The following GALNT18 variants were observed in gnomAD, a reference collection of about 807,000 sequenced individuals.
GALNT18 encodes polypeptide N-acetylgalactosaminyltransferase 18.
Under a neutral mutation model 69.5 loss-of-function variants are expected in GALNT18, and 44 were observed. The ratio of observed to expected loss-of-function variants is 0.63; its 90% confidence interval spans 0.50 to 0.81. GALNT18 has a LOEUF of 0.81. Among genes scored for constraint, GALNT18 ranks in the 40% least tolerant of loss-of-function variants. GALNT18 has a pLI of 0.00. For synonymous variants in GALNT18, 364 were observed against 318.2 expected (o/e 1.14, Z -1.53); for missense variants, 715 against 810.0 (o/e 0.88, Z 1.42).
chr11:11,540,314 T>C lies in GALNT18; in HGVS notation c.235+81045A>G, dbSNP rs763276866. Among the ~76,000 whole-genome samples the C allele has an allele frequency of 6.6e-6, 1 of 152,188 alleles. No homozygotes were observed. The highest frequency in any genetic ancestry group is 1.5e-5 in the Non-Finnish European group (1 of 68,034). On this transcript the variant is annotated intron_variant, in intron 1 of 10. Transcript: ENST00000227756. The surrounding 1 kb of genome is among the most constrained non-coding windows in gnomAD (Gnocchi z 4.6). ...GGTGCAGGATAAATGTTTTTCTTCG[T>C]CGTTGCCATGGAAACTTGTGACTCC...
chr11:11,495,876 G>T (rs559163257), intron 1 of GALNT18, among the ~76,000 whole-genome samples: 157 of 152,248 alleles, frequency 1.0e-3, no homozygotes, highest in African/African-American at 3.6e-3. Flanking sequence ...CCAAGAGATG[G>T]GCAGGTCCTC....
rs1408415088 is a variant in GALNT18, at chr11:11,454,228, C to T, written c.236-5292G>A. Among the ~76,000 whole-genome samples, 1 of 152,140 alleles carries T rather than the reference C, an allele frequency of 6.6e-6. No individual in the cohort carries two copies. Among genetic ancestry groups the T allele is most frequent in the Non-Finnish European group, 1.5e-5 (1 of 68,032 alleles). Reference sequence around the variant, plus strand: ...AAATTCCAGCTGTGTGCAGTTAATTCCTCCCCAGTTCACTTAAGCAAATGA... The same window carrying T: ...AAATTCCAGCTGTGTGCAGTTAATTTCTCCCCAGTTCACTTAAGCAAATGA... On this transcript the variant is annotated intron_variant, in intron 1 of 10. Transcript: ENST00000227756. The surrounding 1 kb of genome is among the most constrained non-coding windows in gnomAD (Gnocchi z 4.2).
intron 10 of GALNT18, among the ~76,000 whole-genome samples, chr11:11,275,107 G>A (rs1848912423): frequency 6.6e-6 from 1 of 152,178 alleles, no homozygotes; most frequent in African/African-American, 2.4e-5. Flanking sequence ...CTAGATCCTT[G>A]AGAAATGGCC....
At position 11,604,861 on chromosome 11, in the gene GALNT18, A is replaced by G. The variant is rs1350059990; in HGVS notation, c.235+16498T>C. Among the ~76,000 whole-genome samples, 1 of 152,148 alleles carries G rather than the reference A, an allele frequency of 6.6e-6. No homozygotes were observed. Among genetic ancestry groups the G allele is most frequent in the African/African-American group, 2.4e-5 (1 of 41,512 alleles). On this transcript the variant is annotated intron_variant, in intron 1 of 10. Transcript: ENST00000227756. The surrounding 1 kb of genome is among the most constrained non-coding windows in gnomAD (Gnocchi z 5.6). ...TCCCCCACACCCCAAAGGCTACACA[A>G]TCTGTTTGAAATGAAAAGGAAAATA...
intron 9 of GALNT18, among the ~76,000 whole-genome samples, chr11:11,301,179 C>G (rs144529098): frequency 4.6e-5 from 7 of 152,278 alleles, no homozygotes; most frequent in Middle Eastern, 3.4e-3. Flanking sequence ...ATCAATAGGT[C>G]TGCAGGTAGG....
chr11:11,378,855 G>A (rs1312051664), intron 4 of GALNT18, among the ~76,000 whole-genome samples: 10 of 152,264 alleles, frequency 6.6e-5, no homozygotes, highest in South Asian at 4.1e-4. Flanking sequence ...ATTAGGCACC[G>A]TGTGCTGACC....
intron 10 of GALNT18, among the ~76,000 whole-genome samples, chr11:11,277,937 G>A (rs1234878811): frequency 6.6e-6 from 1 of 152,088 alleles, no homozygotes; most frequent in African/African-American, 2.4e-5. Flanking sequence ...GGTCAATTTT[G>A]GAATAAGTCC....
chr11:11,372,708 G>T lies in GALNT18; in HGVS notation c.978-79C>A, dbSNP rs1202561796. The T allele has an allele frequency of 3.6e-6, 4 of 1,099,688 alleles. No individual in the cohort carries two copies. In the East Asian group the frequency reaches 9.9e-5, roughly 27 times the overall value. The allele number at this position is 1,099,688 out of a possible 1,614,324, so 68.1% of individuals were successfully genotyped here. On this transcript the variant is annotated intron_variant, in intron 5 of 10. Transcript: ENST00000227756. The surrounding 1 kb of genome is among the most constrained non-coding windows in gnomAD (Gnocchi z 4.9). ...AAGAGCAGTAAGGCCTTCCTATCAG[G>T]AGGGTCTGGTTCTCTTCCTTCCTTT...
chr11:11,371,994 C>T (rs1850918476), intron 6 of GALNT18, among the ~76,000 whole-genome samples: 2 of 152,136 alleles, frequency 1.3e-5, no homozygotes, highest in African/African-American at 4.8e-5. Context: ...CTGGCTAGCA[C>T]CTGGGATCAG....
intron 9 of GALNT18, among the ~76,000 whole-genome samples, chr11:11,326,804 G>C (rs1849928082): frequency 1.3e-5 from 2 of 152,194 alleles, no homozygotes; most frequent in South Asian, 4.1e-4. Flanking sequence ...AAAGGAAGCA[G>C]GTGTTTCTCT....
intron 10 of GALNT18, among the ~76,000 whole-genome samples, chr11:11,272,385 G>T (rs1439754047): frequency 6.6e-6 from 1 of 152,130 alleles, no homozygotes; most frequent in Non-Finnish European, 1.5e-5. Context: ...GCTCCCTAAT[G>T]GATCTCCCTT....
chr11:11,424,606 T>C (rs1326453155), intron 3 of GALNT18, among the ~76,000 whole-genome samples: 1 of 152,174 alleles, frequency 6.6e-6, no homozygotes, highest in Non-Finnish European at 1.5e-5. Flanking sequence ...ACCAGGATCA[T>C]GTTCCTGTCA....
intron 6 of GALNT18, among the ~76,000 whole-genome samples, chr11:11,362,929 A>C (rs1850676611): frequency 6.6e-6 from 1 of 152,232 alleles, no homozygotes; most frequent in South Asian, 2.1e-4. Context: ...GGAAATTGGT[A>C]GAACAAACTA....
intron 10 of GALNT18, among the ~76,000 whole-genome samples, chr11:11,277,394 CTCTTT>C (rs983722478): frequency 1.2e-4 from 19 of 152,042 alleles, no homozygotes; most frequent in Admixed American, 6.6e-4. Flanking sequence ...TTTGATTCTT[CTCTTT>C]TTTTTGTTAG....
intron 6 of GALNT18, among the ~76,000 whole-genome samples, chr11:11,365,371 C>G (rs2133086701): frequency 6.6e-6 from 1 of 152,228 alleles, no homozygotes; most frequent in East Asian, 1.9e-4. Context: ...GTATATGTAC[C>G]ACATTTTCTT....
In GALNT18 at chr11:11,281,347, C is replaced by T. The variant is rs965955534; in HGVS notation, c.1678-10057G>A. Among the ~76,000 whole-genome samples, 8 of 152,304 alleles carry T rather than the reference C, an allele frequency of 5.3e-5. No individual in the cohort carries two copies. In the South Asian group the frequency reaches 6.2e-4, roughly 12 times the overall value. On this transcript the variant is annotated intron_variant, in intron 10 of 10. Transcript: ENST00000227756. ...TGTCCTGATTCCTGGAAGGATGAGC[C>T]AGAGGACTGATAGGAATCCGTTTAT...
chr11:11,326,070 A>G (rs1170085108), intron 9 of GALNT18, among the ~76,000 whole-genome samples: 1 of 138,972 alleles, frequency 7.2e-6, no homozygotes, highest in Non-Finnish European at 1.5e-5. Context: ...TTTGAGACGG[A>G]ATCTCGCTCT....
intron 3 of GALNT18, among the ~76,000 whole-genome samples, chr11:11,393,095 G>A (rs887008964): frequency 6.6e-6 from 1 of 152,212 alleles, no homozygotes. Context: ...GTCCAGCAGC[G>A]AAGTGGGTGG....
chr11:11,418,654 G>A (rs932340146), intron 3 of GALNT18, among the ~76,000 whole-genome samples: 1 of 152,168 alleles, frequency 6.6e-6, no homozygotes, highest in Non-Finnish European at 1.5e-5. Flanking sequence ...ATCTGCACTC[G>A]GCTGCCAGCT....
Sources: allele counts gnomAD v4.1 joint callset (sites outside exome capture counted in the v4.1 genomes callset), GRCh38; gene constraint gnomAD v4.1.1; non-coding constraint Gnocchi (gnomAD v3.1); transcripts MANE v1.5; gene names NCBI Gene and HGNC (gene_info 2026-07-23, HGNC 2026-07-21).